ZNF337: variants seen among roughly 807,000 people sequenced by gnomAD.
The protein encoded by ZNF337 is zinc finger protein 337.
Under a neutral mutation model 12.1 loss-of-function variants are expected in ZNF337, and 8 were observed. The ratio of observed to expected loss-of-function variants is 0.66; its 90% CI spans 0.39 to 1.19. The LOEUF is 1.19. Among genes scored for constraint, ZNF337 ranks in the 50% most tolerant of loss-of-function variants. The pLI is 0.01. For synonymous variants in ZNF337, 336 were observed against 320.0 expected, an observed-to-expected ratio of 1.05 and a Z score of -0.53; for missense variants, 882 against 896.6, an observed-to-expected ratio of 0.98 and a Z score of 0.21.
At chr20:25,687,206 G>A (rs534318061) in intron 1 of ZNF337, among the ~76,000 whole-genome samples, 12 of 152,282 alleles carry the variant, frequency 7.9e-5, no homozygotes, top group African/African-American at 2.9e-4. Context: ...AATGATGTCT[G>A]GATGTGCTTA....
intron 4 of ZNF337, among the ~76,000 whole-genome samples, chr20:25,684,089 A>G (rs1394599624): frequency 6.6e-6 from 1 of 151,754 alleles, no homozygotes; most frequent in African/African-American, 2.4e-5. Flanking sequence ...CATTCTCAGC[A>G]AACTATCTCA....
chr20:25,676,784 T>C lies in ZNF337; in HGVS notation c.504A>G (p.Val168=). Residue 168 remains valine (V), a synonymous_variant, in exon 5 of 5, where the codon GTA becomes GTG. Coordinates refer to ENST00000252979, the MANE Select transcript of ZNF337 (RefSeq NM_015655.4). ...ATCTTGAATTTTCTATTCCTTTCAATACTTTGTCTATTTCTGTAGGATTTT... is the reference window on the plus strand; with the variant it reads ...ATCTTGAATTTTCTATTCCTTTCAACACTTTGTCTATTTCTGTAGGATTTT... ...QRENPTEIDK[V]LKGIENSRWG... The C allele has an allele frequency of 6.2e-7, 1 of 1,614,218 alleles. No individual in the cohort carries two copies. The highest frequency in any genetic ancestry group is 8.5e-7 in the Non-Finnish European group (1 of 1,180,028).
At position 25,675,228 on chromosome 20, in the gene ZNF337, C is replaced by T. The variant is rs771755693; in HGVS notation, c.2060G>A (p.Cys687Tyr). ...RIHSKEKPFV[C>Y]QECKRGYTSK... ...GGTATAGCCTCGCTTACACTCCTGG[C>T]AAACAAAAGGCTTCTCCTTTGAGTG... is the stretch of plus-strand genomic sequence containing the variant. The change falls in exon 5 of 5, where the codon TGC becomes TAC. Residue 687 changes from cysteine (C) to tyrosine (Y), a missense_variant. By Grantham distance (194) the Cys-to-Tyr change is radical. Coordinates refer to ENST00000252979, the MANE Select transcript of ZNF337 (RefSeq NM_015655.4). 2.5e-6 allele frequency: 4 copies of T among 1,614,222 alleles called. No homozygotes were observed. The highest frequency in any genetic ancestry group is 3.4e-6 in the Non-Finnish European group (4 of 1,180,040).
intron 1 of ZNF337, among the ~76,000 whole-genome samples, chr20:25,691,873 G>A (rs1377469593): frequency 1.3e-5 from 2 of 152,118 alleles, no homozygotes; most frequent in Admixed American, 6.5e-5. Flanking sequence ...AGTCCACGTC[G>A]CTCCTCACTG....
chr20:25,693,426 G>A (rs2065897100), intron 1 of ZNF337, among the ~76,000 whole-genome samples: 1 of 152,216 alleles, frequency 6.6e-6, no homozygotes, highest in South Asian at 2.1e-4. Context: ...TCTGTGAAAT[G>A]GGGATTCCAA....
At chr20:25,683,302 G>A (rs2065789650) in intron 4 of ZNF337, among the ~76,000 whole-genome samples, 1 of 151,798 alleles carries the variant, frequency 6.6e-6, no homozygotes, top group African/African-American at 2.4e-5. Context: ...GTGACTACAG[G>A]GACTTAAGAG....
At chr20:25,694,765 C>G (rs1205067978) in intron 1 of ZNF337, among the ~76,000 whole-genome samples, 4 of 152,194 alleles carry the variant, frequency 2.6e-5, no homozygotes, top group African/African-American at 4.8e-5. Context: ...CAACCTGACT[C>G]TGGTACAGCA....
rs556107455 is a variant in ZNF337, at chr20:25,690,414, CAAAA to C, written c.-49-3952_-49-3949del. ...TGAACTTGCCTATAGATCCCTGGGG[CAAAA>C]AATTACAGGTGCAGAATACAACAGA... On this transcript the variant is annotated intron_variant, in intron 1 of 4. Coordinates refer to ENST00000252979, the MANE Select transcript of ZNF337 (RefSeq NM_015655.4). Among the ~76,000 whole-genome samples, 32 of 152,270 alleles carry C rather than the reference CAAAA, an allele frequency of 2.1e-4. No individual in the cohort carries two copies. The South Asian group carries it at 5.2e-3, about 25-fold the overall frequency.
At chr20:25,696,663 G>A (rs773640286) in intron 1 of ZNF337, 96 bp downstream of exon 1, 45 of 857,916 alleles carry the variant, frequency 5.2e-5, no homozygotes, top group Admixed American at 2.5e-4. Context: ...GCGCGCTACG[G>A]CCCCAGCAGC....
In ZNF337 at chr20:25,685,650, G is replaced by C. The variant is rs139245838; in HGVS notation, c.167C>G (p.Ser56Cys). 5.1e-5 allele frequency: 83 copies of C among 1,614,068 alleles called. No individual in the cohort carries two copies. Among genetic ancestry groups the C allele is most frequent in the Non-Finnish European group, 5.8e-5 (69 of 1,179,992 alleles). ...TAGCCGCCTGATGAGTTCTGGTTTA[G>C]AATGGAGAATTCCTGCTCACAGGGA... ...SHLVSLGILH[S>C]KPELIRRLEQ... The change falls in exon 4 of 5, where the codon TCT becomes TGT. Residue 56 changes from serine (S) to cysteine (C), a missense_variant. Transcript: ENST00000252979.
chr20:25,689,266 T>C (rs2065863857), intron 1 of ZNF337, among the ~76,000 whole-genome samples: 1 of 152,032 alleles, frequency 6.6e-6, no homozygotes, highest in Admixed American at 6.5e-5. Context: ...ACCGTGCCAC[T>C]GCACTCCAGC....
Position 25,675,876 on chromosome 20 carries a change from T to A in ZNF337, c.1412A>T (p.Gln471Leu). The change falls in exon 5 of 5, where the codon CAA becomes CTA. Residue 471 changes from glutamine to leucine, a missense_variant. Transcript: ENST00000252979. Reference sequence around the variant, plus strand: ...CTGGTGTAAAGTGAAGGTTGACTTTTGGATAAAGCCTCGTCCACAGTCCTT... The same window carrying A: ...CTGGTGTAAAGTGAAGGTTGACTTTAGGATAAAGCCTCGTCCACAGTCCTT... ...VCKDCGRGFI[Q>L]KSTFTLHQRT... 1 of 1,614,020 alleles carries A rather than the reference T, an allele frequency of 6.2e-7. No individual in the cohort carries two copies. Among genetic ancestry groups the A allele is most frequent in the African/African-American group, 1.3e-5 (1 of 74,994 alleles).
Position 25,675,436 on chromosome 20 carries a change from G to A in ZNF337, c.1852C>T (p.His618Tyr), listed in dbSNP as rs149544334. Residue 618 changes from histidine to tyrosine, a missense_variant, in exon 5 of 5, where the codon CAC becomes TAC. By Grantham distance (83) the His-to-Tyr change is moderately conservative. Transcript: ENST00000252979. ...TGCTTGCCAGAATGTGCAAGCTGGT[G>A]TTTCACAAGATTTGACTTCCAGATA... Reference protein sequence around the residue: ...GFIWKSNLVKHQLAHSGKQPF... With the variant: ...GFIWKSNLVKYQLAHSGKQPF... The A allele has an allele frequency of 4.3e-6, 7 of 1,613,992 alleles. No individual in the cohort carries two copies. The East Asian group carries it at 6.7e-5, about 15-fold the overall frequency.
In ZNF337 at chr20:25,676,598, G is replaced by A; in HGVS notation, c.690C>T (p.His230=). The part of the protein sequence containing the change: ...ESALLLHQNT[H]TGEKSYVCSV... ...TGCACACATAGGACTTCTCTCCTGT[G>A]TGTGTGTTCTGGTGCAAGAGCAATG... Residue 230 remains histidine (H), a synonymous_variant, in exon 5 of 5, where the codon CAC becomes CAT. Coordinates refer to ENST00000252979, the MANE Select transcript of ZNF337 (RefSeq NM_015655.4). 1.9e-6 allele frequency: 3 copies of A among 1,614,150 alleles called. No individual in the cohort carries two copies. The highest frequency in any genetic ancestry group is 2.7e-5 in the African/African-American group (2 of 75,050).
chr20:25,685,807 C>A, intron 3 of ZNF337, 145 bp from the exon 4 acceptor site: 1 of 1,158,570 alleles, frequency 8.6e-7, no homozygotes, highest in Middle Eastern at 2.2e-4. Flanking sequence ...AGAGTACAAA[C>A]CCCCAGGGGG....
At chr20:25,688,659 T>C (rs2065855445) in intron 1 of ZNF337, among the ~76,000 whole-genome samples, 2 of 152,220 alleles carry the variant, frequency 1.3e-5, no homozygotes, top group Admixed American at 6.5e-5. Context: ...TTTTCTGCAT[T>C]AAGATAGTAA....
Position 25,675,502 on chromosome 20 carries a change from C to T in ZNF337, c.1786G>A (p.Gly596Arg), listed in dbSNP as rs1569004361. The T allele has an allele frequency of 1.2e-6, 2 of 1,614,064 alleles. No individual in the cohort carries two copies. The highest frequency in any genetic ancestry group is 2.2e-5 in the East Asian group (1 of 44,894). Reference protein sequence around the residue: ...TLLFHQKTHSGEKPFICSECG... With the variant: ...TLLFHQKTHSREKPFICSECG... ...TCACTACAGATGAAAGGCTTCTCCC[C>T]TGAGTGTGTCTTCTGGTGGAAGAGG... The change falls in exon 5 of 5, where the codon GGG becomes AGG. Residue 596 changes from glycine (G) to arginine (R), a missense_variant. Transcript: ENST00000252979.
chr20:25,690,190 C>T (rs1028211715), intron 1 of ZNF337, among the ~76,000 whole-genome samples: 38 of 152,088 alleles, frequency 2.5e-4, no homozygotes, highest in African/African-American at 9.2e-4. Context: ...TGGCTTGAGC[C>T]CAAGAGGTTG....
chr20:25,687,415 T>G (rs778874697), intron 1 of ZNF337, among the ~76,000 whole-genome samples: 1 of 152,168 alleles, frequency 6.6e-6, no homozygotes, highest in Non-Finnish European at 1.5e-5. Context: ...CACTATACTT[T>G]TAAGTGAATG....
Sources: allele counts gnomAD v4.1 joint callset (sites outside exome capture counted in the v4.1 genomes callset), GRCh38; gene constraint gnomAD v4.1.1; transcripts MANE v1.5; gene names NCBI Gene and HGNC (gene_info 2026-07-23, HGNC 2026-07-21).